CACNA2D3: variants seen among roughly 807,000 people sequenced by gnomAD.
CACNA2D3 encodes voltage-dependent calcium channel subunit alpha-2/delta-3.
In CACNA2D3, 60 loss-of-function variants were observed where a neutral mutation model predicts 160.6. That is an observed-to-expected ratio of 0.37 (90% CI 0.30 to 0.46). CACNA2D3 has a LOEUF of 0.46. Among genes scored for constraint, CACNA2D3 ranks in the 20% least tolerant of loss-of-function variants. CACNA2D3 has a pLI of 1.00. For missense variants in CACNA2D3, 1,205 were observed against 1,365.0 expected, an observed-to-expected ratio of 0.88 and a Z score of 1.85; for synonymous variants, 558 against 492.9, an observed-to-expected ratio of 1.13 and a Z score of -1.75.
intron 11 of CACNA2D3, among the ~76,000 whole-genome samples, chr3:54,685,095 C>A (rs996661814): frequency 1.3e-5 from 2 of 152,056 alleles, no homozygotes; most frequent in Non-Finnish European, 2.9e-5. Context: ...CTCCAGAGAA[C>A]AAAAGCCTGT....
At chr3:54,985,830 T>G (rs1210690601) in intron 30 of CACNA2D3, among the ~76,000 whole-genome samples, 2 of 152,128 alleles carry the variant, frequency 1.3e-5, no homozygotes, top group Non-Finnish European at 2.9e-5. Flanking sequence ...TCCTGTCTTA[T>G]TTTATGAGAA....
chr3:54,759,470 A>G (rs1702041243), intron 12 of CACNA2D3, among the ~76,000 whole-genome samples: 1 of 150,014 alleles, frequency 6.7e-6, no homozygotes, highest in Non-Finnish European at 1.5e-5. Context: ...ATACTAAGAC[A>G]TTTAAAAACC....
At chr3:54,763,733 A>ATATATGTACATATATATACATAT in intron 12 of CACNA2D3, among the ~76,000 whole-genome samples, 1 of 72,410 alleles carries the variant, frequency 1.4e-5, no homozygotes, top group Non-Finnish European at 3.4e-5. Flanking sequence ...ATACATATAT[A>ATATATGTACATATATATACATAT]TGTGTATATA....
chr3:55,004,869 C>G, intron 32 of CACNA2D3, 31 bp downstream of exon 32: 1 of 1,495,712 alleles, frequency 6.7e-7, no homozygotes, highest in Non-Finnish European at 9.3e-7. Context: ...CAGAAAACAG[C>G]CACACATTTC....
At chr3:55,051,337 C>T (rs1398394974) in intron 35 of CACNA2D3, among the ~76,000 whole-genome samples, 4 of 152,010 alleles carry the variant, frequency 2.6e-5, no homozygotes, top group Admixed American at 1.3e-4. Flanking sequence ...GGACCCTCAG[C>T]TGCAGGTCTG....
At chr3:54,861,210 T>G (rs541969295) in intron 17 of CACNA2D3, among the ~76,000 whole-genome samples, 1 of 152,186 alleles carries the variant, frequency 6.6e-6, no homozygotes, top group South Asian at 2.1e-4. Context: ...GGGAAGGACT[T>G]GACCTGACCT....
chr3:54,851,590 A>G (rs1443212712), intron 17 of CACNA2D3, among the ~76,000 whole-genome samples: 1 of 152,178 alleles, frequency 6.6e-6, no homozygotes, highest in East Asian at 1.9e-4. Context: ...CTTTGCAGCC[A>G]TTTGGACCAG....
chr3:54,629,415 T>C (rs1328414081), intron 10 of CACNA2D3, among the ~76,000 whole-genome samples: 4 of 152,178 alleles, frequency 2.6e-5, no homozygotes, highest in Non-Finnish European at 2.9e-5. Flanking sequence ...CTTTTACCAA[T>C]AATACCTGTT....
In CACNA2D3 at chr3:54,338,448, C is replaced by A. The variant is rs192274829; in HGVS notation, c.321+17890C>A. On this transcript the variant is annotated intron_variant, in intron 3 of 37. Coordinates refer to ENST00000474759, the MANE Select transcript of CACNA2D3 (RefSeq NM_018398.3). ...AGCTGTGTTTTTCTTCTTTTTATAG[C>A]TCTCTTCATCTCCCCTCCCTGTGTG... Among the ~76,000 whole-genome samples, 5 of 146,760 alleles carry A rather than the reference C, an allele frequency of 3.4e-5. No individual in the cohort carries two copies. In the East Asian group the frequency reaches 1.1e-3, roughly 31 times the overall value.
chr3:54,647,530 C>T (rs558678906), intron 11 of CACNA2D3, among the ~76,000 whole-genome samples: 21 of 152,186 alleles, frequency 1.4e-4, no homozygotes, highest in Non-Finnish European at 2.8e-4. Context: ...CGTGGTGTCT[C>T]ATCTTCCAAG....
chr3:54,919,245 A>G (rs537550503), intron 27 of CACNA2D3, among the ~76,000 whole-genome samples: 8 of 152,346 alleles, frequency 5.3e-5, no homozygotes, highest in Non-Finnish European at 8.8e-5. Flanking sequence ...CGTGCCACGC[A>G]TGGTCCTAGT....
chr3:54,911,348 C>CTTTTTTTT (rs1700551171), intron 27 of CACNA2D3, among the ~76,000 whole-genome samples: 1 of 29,330 alleles, frequency 3.4e-5, no homozygotes, highest in African/African-American at 2.2e-4. Context: ...CCTTCTTTGT[C>CTTTTTTTT]GTCTTTTTTT....
At chr3:54,169,876 A>T (rs991048364) in intron 2 of CACNA2D3, among the ~76,000 whole-genome samples, 1 of 151,946 alleles carries the variant, frequency 6.6e-6, no homozygotes, top group Non-Finnish European at 1.5e-5. Flanking sequence ...AATGATAATG[A>T]TTTTTCCAGG....
chr3:54,500,163 G>C (rs1224274563), intron 4 of CACNA2D3, among the ~76,000 whole-genome samples: 1 of 152,098 alleles, frequency 6.6e-6, no homozygotes, highest in African/African-American at 2.4e-5. Context: ...CTTATTCCTT[G>C]ATAATTTTCC....
intron 2 of CACNA2D3, among the ~76,000 whole-genome samples, chr3:54,285,159 T>A (rs1200884743): frequency 3.3e-5 from 5 of 151,918 alleles, no homozygotes; most frequent in African/African-American, 1.2e-4. Flanking sequence ...GCGCAAGGGG[T>A]CAGGGAGTTC....
At chr3:54,264,661 C>T (rs754194555) in intron 2 of CACNA2D3, among the ~76,000 whole-genome samples, 5 of 152,188 alleles carry the variant, frequency 3.3e-5, no homozygotes, top group Non-Finnish European at 7.3e-5. Context: ...AGGCTCAGTG[C>T]AGCTGGTGGC....
At chr3:54,603,005 G>A (rs1386059670) in intron 9 of CACNA2D3, among the ~76,000 whole-genome samples, 1 of 152,120 alleles carries the variant, frequency 6.6e-6, no homozygotes, top group Non-Finnish European at 1.5e-5. Context: ...AGACATTCTC[G>A]TTGTCTAAAG....
intron 27 of CACNA2D3, among the ~76,000 whole-genome samples, chr3:54,932,833 G>T (rs1701224660): frequency 6.6e-6 from 1 of 152,228 alleles, no homozygotes; most frequent in Non-Finnish European, 1.5e-5. Context: ...GCCAGGCCTA[G>T]TGACAGCTGC....
chr3:54,147,005 C>G (rs1056950434), intron 2 of CACNA2D3, among the ~76,000 whole-genome samples: 1 of 152,270 alleles, frequency 6.6e-6, no homozygotes, highest in African/African-American at 2.4e-5. Context: ...TTTCCCCTTT[C>G]AGTGAATGAG....
Sources: gnomAD v4.1 joint callset for allele counts (sites outside exome capture counted in the v4.1 genomes callset) on GRCh38, gnomAD v4.1.1 for gene constraint, MANE v1.5 for transcripts, NCBI Gene and HGNC (gene_info 2026-07-23, HGNC 2026-07-21) for gene names.